The following SMYD3 variants were observed in gnomAD, a reference collection of about 807,000 sequenced individuals.
SMYD3 encodes the protein SET and MYND domain containing 3, also known as histone-lysine N-methyltransferase SMYD3.
A neutral mutation model predicts 57.7 loss-of-function variants in SMYD3; 36 were observed. That is an observed-to-expected ratio of 0.62 (90% CI 0.48 to 0.82). The LOEUF (loss-of-function observed/expected upper bound fraction) is 0.82. SMYD3 is among the 40% of genes least tolerant of loss of function. The pLI is 0.00. For missense variants in SMYD3, 515 were observed against 538.8 expected (o/e 0.96, Z 0.44); for synonymous variants, 211 against 195.0 (o/e 1.08, Z -0.68).
chr1:246,397,387 T>C (rs2066690559), intron 1 of SMYD3, among the ~76,000 whole-genome samples: 2 of 152,214 alleles, frequency 1.3e-5, no homozygotes, highest in South Asian at 4.1e-4. Flanking sequence ...AGGTTGGGAC[T>C]GCTGGTACAT....
intron 5 of SMYD3, among the ~76,000 whole-genome samples, chr1:246,166,803 A>G (rs2062221282): frequency 6.6e-6 from 1 of 152,202 alleles, no homozygotes; most frequent in Admixed American, 6.5e-5. Flanking sequence ...GGTGAAACAT[A>G]AAATTAACTA....
chr1:245,919,910 AAGG>A (rs1391017983), intron 7 of SMYD3, among the ~76,000 whole-genome samples: 1 of 152,244 alleles, frequency 6.6e-6, no homozygotes, highest in Non-Finnish European at 1.5e-5. Flanking sequence ...TAATATAATG[AAGG>A]AGATTTTCTA....
chr1:245,764,091 G>A lies in SMYD3; in HGVS notation c.1135C>T (p.Leu379=). ...GGAAACATGCCTTGATGTAGCTGCA[G>A]TTTGCCAACTTTCATCACTTGAACC... ...RGVQVMKVGK[L]QLHQGMFPQA... Residue 379 remains leucine (L), a synonymous_variant, in exon 11 of 12, where the codon CTG becomes TTG. Coordinates refer to ENST00000490107, the MANE Select transcript of SMYD3 (RefSeq NM_001167740.2). 6.2e-7 allele frequency: 1 copy of A among 1,614,096 alleles called. No individual in the cohort carries two copies. Among genetic ancestry groups the A allele is most frequent in the South Asian group, 1.1e-5 (1 of 91,072 alleles).
intron 10 of SMYD3, among the ~76,000 whole-genome samples, chr1:245,855,283 A>G (rs575602829): frequency 6.6e-6 from 1 of 150,800 alleles, no homozygotes; most frequent in Non-Finnish European, 1.5e-5. Context: ...TTTTAAAACA[A>G]TGTGCTCAAT....
intron 5 of SMYD3, among the ~76,000 whole-genome samples, chr1:246,148,817 G>C (rs888808891): frequency 6.6e-6 from 1 of 152,146 alleles, no homozygotes. Context: ...CCCTTTACTT[G>C]TTAATAAGCA....
At position 245,789,233 on chromosome 1, in the gene SMYD3, A is replaced by G. The variant is rs145018091; in HGVS notation, c.1077-25084T>C. 5.1e-3 allele frequency among the ~76,000 whole-genome samples: 771 copies of G among 152,256 alleles called. 3 individuals carry two copies. Among genetic ancestry groups the G allele is most frequent in the African/African-American group, 0.016 (685 of 41,556 alleles). ...TTATGATGTAAGTCCTTTCAGAGAGACTTTCATAGGCAGCTCCCTAATGAG... is the reference window on the plus strand; with the variant it reads ...TTATGATGTAAGTCCTTTCAGAGAGGCTTTCATAGGCAGCTCCCTAATGAG... On this transcript the variant is annotated intron_variant, in intron 10 of 11. Transcript: ENST00000490107.
At chr1:246,115,164 A>T (rs913856367) in intron 5 of SMYD3, among the ~76,000 whole-genome samples, 45 of 152,128 alleles carry the variant, frequency 3.0e-4, no homozygotes, top group Non-Finnish European at 5.7e-4. Flanking sequence ...GCAGAAGGTC[A>T]GCCTTAAATA....
chr1:246,236,454 G>A (rs141027255), intron 5 of SMYD3, among the ~76,000 whole-genome samples: 200 of 151,916 alleles, frequency 1.3e-3, no homozygotes, highest in Non-Finnish European at 2.0e-3. Flanking sequence ...TCACTCTGTC[G>A]CCCAGGCTGG....
chr1:246,014,322 C>T (rs2059339325), intron 5 of SMYD3, among the ~76,000 whole-genome samples: 1 of 152,056 alleles, frequency 6.6e-6, no homozygotes, highest in Non-Finnish European at 1.5e-5. Flanking sequence ...CTGTCTCAAA[C>T]AAACAAACAA....
intron 5 of SMYD3, among the ~76,000 whole-genome samples, chr1:246,164,867 G>A (rs2148214052): frequency 6.6e-6 from 1 of 152,304 alleles, no homozygotes; most frequent in South Asian, 2.1e-4. Flanking sequence ...TGTGCAACAG[G>A]TCCCATGTTG....
intron 5 of SMYD3, among the ~76,000 whole-genome samples, chr1:246,016,742 T>C (rs1364054413): frequency 1.3e-5 from 2 of 151,796 alleles, no homozygotes; most frequent in African/African-American, 2.4e-5. Flanking sequence ...GAGGGCAGAA[T>C]GAGGGAGCAC....
intron 5 of SMYD3, among the ~76,000 whole-genome samples, chr1:245,950,230 T>A (rs940674239): frequency 5.9e-5 from 9 of 152,156 alleles, no homozygotes; most frequent in Admixed American, 5.9e-4. Context: ...AGAATCCCCC[T>A]TACCTGGATA....
chr1:246,407,616 T>C (rs965686232), intron 1 of SMYD3, among the ~76,000 whole-genome samples: 1 of 151,364 alleles, frequency 6.6e-6, no homozygotes, highest in Non-Finnish European at 1.5e-5. Context: ...CAGAGGCGGG[T>C]GGATCACCTG....
At chr1:246,081,794 C>T (rs894139425) in intron 5 of SMYD3, among the ~76,000 whole-genome samples, 4 of 152,222 alleles carry the variant, frequency 2.6e-5, no homozygotes, top group African/African-American at 4.8e-5. Flanking sequence ...CAATGTAGCT[C>T]ATACCTGTAA....
At chr1:246,146,554 A>G (rs1399172007) in intron 5 of SMYD3, among the ~76,000 whole-genome samples, 1 of 152,226 alleles carries the variant, frequency 6.6e-6, no homozygotes, top group Non-Finnish European at 1.5e-5. Flanking sequence ...AATGGAGGGT[A>G]TGCAGACCCG....
chr1:246,130,841 C>T (rs959772044), intron 5 of SMYD3, among the ~76,000 whole-genome samples: 3 of 152,108 alleles, frequency 2.0e-5, no homozygotes, highest in Admixed American at 1.3e-4. Context: ...CGTTCTAAAT[C>T]GTCATAATCA....
At chr1:246,135,930 T>C (rs547340691) in intron 5 of SMYD3, among the ~76,000 whole-genome samples, 1 of 152,250 alleles carries the variant, frequency 6.6e-6, no homozygotes, top group Non-Finnish European at 1.5e-5. Context: ...ATATCAAGTG[T>C]AAGGCTTTCC....
intron 5 of SMYD3, among the ~76,000 whole-genome samples, chr1:246,090,464 C>A (rs950938372): frequency 6.6e-6 from 1 of 151,044 alleles, no homozygotes; most frequent in African/African-American, 2.4e-5. Context: ...GTCTTCTCCA[C>A]TTGGAAGACT....
intron 5 of SMYD3, among the ~76,000 whole-genome samples, chr1:246,135,994 A>C (rs2061660723): frequency 6.6e-6 from 1 of 152,230 alleles, no homozygotes; most frequent in South Asian, 2.1e-4. Context: ...ATGTGAGAAA[A>C]GATGAATATT....
Sources: allele counts gnomAD v4.1 joint callset (sites outside exome capture counted in the v4.1 genomes callset), GRCh38; gene constraint gnomAD v4.1.1; transcripts MANE v1.5; gene names NCBI Gene and HGNC (gene_info 2026-07-23, HGNC 2026-07-21).